The following STXBP6 variants were observed in gnomAD, a reference collection of about 807,000 sequenced individuals.
STXBP6 encodes syntaxin binding protein 6, also known as syntaxin-binding protein 6.
In STXBP6, 21 loss-of-function variants were observed where a neutral mutation model predicts 26.9. The observed-to-expected ratio is 0.78, with a 90% CI of 0.55 to 1.12. The LOEUF (loss-of-function observed/expected upper bound fraction) is 1.12, where lower values mean the gene tolerates loss of function less well. Among genes scored for constraint, STXBP6 ranks in the 50% most tolerant of loss-of-function variants. The probability of loss-of-function intolerance (pLI) is 0.00; values close to 1 mark genes in which losing one functional copy is unlikely to be tolerated. For missense variants in STXBP6, 232 were observed against 257.9 expected (o/e 0.90, Z 0.69); for synonymous variants, 97 against 92.6 (o/e 1.05, Z -0.27).
At chr14:24,905,020 T>C (rs1023608809) in intron 2 of STXBP6, among the ~76,000 whole-genome samples, 10 of 152,320 alleles carry the variant, frequency 6.6e-5, no homozygotes, top group South Asian at 4.1e-4. Context: ...TGGCCTTGGG[T>C]AAATAATTTA....
chr14:24,896,502 G>C (rs1423903984), intron 2 of STXBP6, among the ~76,000 whole-genome samples: 2 of 152,086 alleles, frequency 1.3e-5, no homozygotes, highest in South Asian at 4.1e-4. Context: ...GAAAGAGAGA[G>C]GAACCCAGGA....
At chr14:24,895,040 G>A (rs2070938358) in intron 2 of STXBP6, among the ~76,000 whole-genome samples, 1 of 152,078 alleles carries the variant, frequency 6.6e-6, no homozygotes, top group South Asian at 2.1e-4. Flanking sequence ...TTTTCTAAGC[G>A]AATAAGCCCA....
chr14:24,916,487 C>A (rs1163583750), intron 2 of STXBP6, among the ~76,000 whole-genome samples: 1 of 152,030 alleles, frequency 6.6e-6, no homozygotes, highest in African/African-American at 2.4e-5. Flanking sequence ...TGCAGGTTAT[C>A]CTAAGGGGAG....
intron 4 of STXBP6, 152 bp downstream of exon 4, chr14:24,855,784 A>G: frequency 1.7e-6 from 1 of 601,452 alleles, no homozygotes; most frequent in Non-Finnish European, 2.6e-6. Flanking sequence ...CATACAATAA[A>G]CTCCCTGGAA....
chr14:24,915,890 T>C (rs1341213426), intron 2 of STXBP6, among the ~76,000 whole-genome samples: 1 of 152,160 alleles, frequency 6.6e-6, no homozygotes, highest in African/African-American at 2.4e-5. Flanking sequence ...ACAATTCACT[T>C]TGTTCTTTCA....
At chr14:24,813,559 A>G (rs907953728) in intron 5 of STXBP6, among the ~76,000 whole-genome samples, 4 of 152,232 alleles carry the variant, frequency 2.6e-5, no homozygotes, top group African/African-American at 9.6e-5. Context: ...AGAGTCTGAT[A>G]TCAGGGACTA....
intron 4 of STXBP6, among the ~76,000 whole-genome samples, chr14:24,830,644 C>A (rs2068429728): frequency 6.6e-6 from 1 of 152,050 alleles, no homozygotes; most frequent in Non-Finnish European, 1.5e-5. Flanking sequence ...ATGAGACATC[C>A]AAGTGGAGTC....
chr14:24,929,924 T>C (rs1011993025), intron 2 of STXBP6, among the ~76,000 whole-genome samples: 1 of 152,110 alleles, frequency 6.6e-6, no homozygotes, highest in Non-Finnish European at 1.5e-5. Flanking sequence ...ATCTAGAAAA[T>C]ATGTAGCCTC....
intron 4 of STXBP6, among the ~76,000 whole-genome samples, chr14:24,840,625 G>A (rs1318845820): frequency 6.6e-6 from 1 of 152,158 alleles, no homozygotes; most frequent in African/African-American, 2.4e-5. Flanking sequence ...GCAGGTATGA[G>A]AGTTCTCTCT....
chr14:25,021,923 C>T (rs1434628784), intron 1 of STXBP6, among the ~76,000 whole-genome samples: 1 of 152,190 alleles, frequency 6.6e-6, no homozygotes, highest in Non-Finnish European at 1.5e-5. Flanking sequence ...AGCAAGATAA[C>T]TGTCAACAGA....
intron 2 of STXBP6, among the ~76,000 whole-genome samples, chr14:24,943,822 G>C (rs2072887279): frequency 6.6e-6 from 1 of 152,178 alleles, no homozygotes; most frequent in Admixed American, 6.5e-5. Flanking sequence ...AGGAGCTCTA[G>C]CTTTGACTCT....
chr14:24,917,578 T>C (rs1212007801), intron 2 of STXBP6, among the ~76,000 whole-genome samples: 1 of 152,082 alleles, frequency 6.6e-6, no homozygotes, highest in Non-Finnish European at 1.5e-5. Context: ...GCTGGACACC[T>C]ACCTCATACT....
chr14:24,828,471 A>G (rs1345259771), intron 4 of STXBP6, among the ~76,000 whole-genome samples: 1 of 152,252 alleles, frequency 6.6e-6, no homozygotes, highest in African/African-American at 2.4e-5. Context: ...GATTTTAATT[A>G]GTAAAAAATA....
intron 2 of STXBP6, among the ~76,000 whole-genome samples, chr14:24,937,369 T>C (rs2063391084): frequency 6.6e-6 from 1 of 152,262 alleles, no homozygotes; most frequent in Non-Finnish European, 1.5e-5. Context: ...AGAGTTCTTT[T>C]AGAATTAGAC....
At chr14:24,896,648 T>C (rs993712504) in intron 2 of STXBP6, among the ~76,000 whole-genome samples, 1 of 152,122 alleles carries the variant, frequency 6.6e-6, no homozygotes, top group Non-Finnish European at 1.5e-5. Context: ...GGTACCATAA[T>C]AAAGATATGG....
intron 2 of STXBP6, among the ~76,000 whole-genome samples, chr14:24,910,016 T>C (rs1433631395): frequency 1.3e-5 from 2 of 151,870 alleles, no homozygotes; most frequent in East Asian, 3.9e-4. Flanking sequence ...TACCACAGGA[T>C]TGTTTTAAGG....
At chr14:24,958,723 A>G (rs1445943246) in intron 2 of STXBP6, among the ~76,000 whole-genome samples, 3 of 152,202 alleles carry the variant, frequency 2.0e-5, no homozygotes, top group Admixed American at 1.3e-4. Context: ...GCTCTTTAGT[A>G]TCAAGTTGCA....
At chr14:24,972,900 T>C (rs1293288728) in intron 2 of STXBP6, among the ~76,000 whole-genome samples, 1 of 152,162 alleles carries the variant, frequency 6.6e-6, no homozygotes, top group Non-Finnish European at 1.5e-5. Context: ...GAGGATTGCT[T>C]GAGCCCAGGA....
intron 1 of STXBP6, among the ~76,000 whole-genome samples, chr14:25,005,300 TAAC>T (rs1230716827): frequency 6.6e-6 from 1 of 152,186 alleles, no homozygotes; most frequent in African/African-American, 2.4e-5. Context: ...TGCATGGGTA[TAAC>T]AATTATGAGC....
Sources: allele counts gnomAD v4.1 joint callset (sites outside exome capture counted in the v4.1 genomes callset), GRCh38; gene constraint gnomAD v4.1.1; transcripts MANE v1.5; gene names NCBI Gene and HGNC (gene_info 2026-07-23, HGNC 2026-07-21).